Variants in TMEM132C observed in about 807,000 individuals in gnomAD.
TMEM132C encodes the protein protein phosphatase 1, regulatory subunit 152.
Under a neutral mutation model 61.4 loss-of-function variants are expected in TMEM132C, and 29 were observed. The observed-to-expected ratio is 0.47, with a 90% CI of 0.35 to 0.64. TMEM132C has a LOEUF of 0.64. Ranked by LOEUF, TMEM132C falls within the 30% of genes least tolerant of loss-of-function variation. The pLI, the probability that TMEM132C is intolerant of heterozygous loss-of-function variation, is 0.00. For synonymous variants in TMEM132C, 656 were observed against 633.1 expected (o/e 1.04, Z -0.54); for missense variants, 1,408 against 1,476.9 (o/e 0.95, Z 0.76).
At chr12:128,614,595 T>C (rs1876737734) in intron 3 of TMEM132C, among the ~76,000 whole-genome samples, 2 of 152,214 alleles carry the variant, frequency 1.3e-5, no homozygotes, top group African/African-American at 4.8e-5. Context: ...TAGCCAGATA[T>C]GTGGTTGTGG....
In TMEM132C at chr12:128,707,721, C is replaced by G. The variant is rs1028932863; in HGVS notation, c.*1426C>G. ...CGCAGGGGGGCGCTCACAAAGATGC[C>G]AGGGGTGTTTATTGTGTTTATTTTT... On this transcript the variant is annotated 3_prime_UTR_variant, in exon 9 of 9. Coordinates refer to ENST00000435159, the MANE Select transcript of TMEM132C (RefSeq NM_001136103.3). 2.0e-5 allele frequency: 3 copies of G among 152,146 alleles called. No individual in the cohort carries two copies. The highest frequency in any genetic ancestry group is 2.9e-5 in the Non-Finnish European group (2 of 68,026). 9.4% of individuals were successfully genotyped at this position (152,146 alleles called of 1,614,324 possible).
chr12:128,339,854 G>T (rs1477116936), intron 1 of TMEM132C, among the ~76,000 whole-genome samples: 1 of 152,082 alleles, frequency 6.6e-6, no homozygotes, highest in Non-Finnish European at 1.5e-5. Context: ...TCAACCAGGG[G>T]CTCACACACC....
intron 3 of TMEM132C, among the ~76,000 whole-genome samples, chr12:128,610,760 A>AT (rs1343938297): frequency 6.6e-6 from 1 of 152,156 alleles, no homozygotes; most frequent in Non-Finnish European, 1.5e-5. Context: ...AAGATTTCTT[A>AT]TTTTTTTAGT....
chr12:128,466,189 G>C (rs1287544718), intron 2 of TMEM132C, among the ~76,000 whole-genome samples: 1 of 152,086 alleles, frequency 6.6e-6, no homozygotes, highest in Non-Finnish European at 1.5e-5. Flanking sequence ...TGTGTGAAGG[G>C]GAGAGCACAG....
At chr12:128,277,744 C>T (rs368603447) in intron 1 of TMEM132C, among the ~76,000 whole-genome samples, 18 of 152,320 alleles carry the variant, frequency 1.2e-4, no homozygotes, top group African/African-American at 3.6e-4. Flanking sequence ...CCACTTCTCA[C>T]GGGTGTGCTC....
chr12:128,704,057 A>G (rs556585500), intron 8 of TMEM132C, among the ~76,000 whole-genome samples: 5 of 152,334 alleles, frequency 3.3e-5, no homozygotes, highest in African/African-American at 7.2e-5. Context: ...GCGAGACAGC[A>G]GGAAACCTTG....
Position 128,612,015 on chromosome 12 carries a change from G to A in TMEM132C, c.1122-4137G>A, listed in dbSNP as rs145644697. 4.3e-3 allele frequency among the ~76,000 whole-genome samples: 661 copies of A among 152,328 alleles called. 5 individuals are homozygous for A. The highest frequency in any genetic ancestry group is 0.015 in the African/African-American group (627 of 41,568). On this transcript the variant is annotated intron_variant, in intron 3 of 8. Transcript: ENST00000435159. ...TTTTTTAGAGACGAAGAAGACAAAG[G>A]CTGTGTGGGGGTGGAGAAGGGGTAG... is the stretch of plus-strand genomic sequence containing the variant.
chr12:128,334,365 C>G (rs1353022904), intron 1 of TMEM132C, among the ~76,000 whole-genome samples: 1 of 152,178 alleles, frequency 6.6e-6, no homozygotes, highest in Admixed American at 6.5e-5. Flanking sequence ...GGAGCCAGCT[C>G]CGGGGCCCGT....
chr12:128,472,734 T>G (rs1593065689), intron 2 of TMEM132C, among the ~76,000 whole-genome samples: 1 of 152,218 alleles, frequency 6.6e-6, no homozygotes, highest in East Asian at 1.9e-4. Flanking sequence ...GGGGGTCAGC[T>G]TCGGCCTGGA....
intron 1 of TMEM132C, among the ~76,000 whole-genome samples, chr12:128,377,097 C>T (rs925096502): frequency 6.6e-6 from 1 of 151,992 alleles, no homozygotes; most frequent in Non-Finnish European, 1.5e-5. Context: ...CTTTGTCGCC[C>T]AGGCTGGAGT....
intron 1 of TMEM132C, among the ~76,000 whole-genome samples, chr12:128,293,615 A>G (rs2135911129): frequency 6.6e-6 from 1 of 152,104 alleles, no homozygotes; most frequent in Middle Eastern, 3.4e-3. Flanking sequence ...TATTTAGGGG[A>G]AAAACAGCCT....
intron 1 of TMEM132C, among the ~76,000 whole-genome samples, chr12:128,337,667 G>A (rs943647484): frequency 2.0e-5 from 3 of 152,268 alleles, no homozygotes; most frequent in East Asian, 1.9e-4. Context: ...TGGGAGGTTC[G>A]TCCCCTTGCT....
intron 3 of TMEM132C, among the ~76,000 whole-genome samples, chr12:128,575,172 C>T (rs758808129): frequency 2.0e-5 from 3 of 152,178 alleles, no homozygotes. Flanking sequence ...ACAGCAAAGT[C>T]ATCATACCTT....
chr12:128,377,571 G>A (rs1038104025), intron 1 of TMEM132C, among the ~76,000 whole-genome samples: 3 of 152,208 alleles, frequency 2.0e-5, no homozygotes, highest in African/African-American at 4.8e-5. Flanking sequence ...ACAACAGGAA[G>A]TATCAGAGTA....
At chr12:128,579,175 G>A (rs1875238387) in intron 3 of TMEM132C, among the ~76,000 whole-genome samples, 1 of 152,176 alleles carries the variant, frequency 6.6e-6, no homozygotes. Context: ...AGCCTCCTTA[G>A]CCCATGCACG....
intron 2 of TMEM132C, among the ~76,000 whole-genome samples, chr12:128,465,149 G>A (rs73440670): frequency 0.21 from 31,557 of 151,808 alleles, 3,771 homozygotes; most frequent in African/African-American, 0.32. Context: ...AACCCCTGGT[G>A]AGGAGACACC....
At chr12:128,633,657 C>A (rs1954079543) in intron 4 of TMEM132C, among the ~76,000 whole-genome samples, 1 of 152,118 alleles carries the variant, frequency 6.6e-6, no homozygotes, top group Non-Finnish European at 1.5e-5. Context: ...GTTAAGAAGG[C>A]TGGAAGAATT....
chr12:128,675,773 A>T (rs1954577023), intron 5 of TMEM132C, among the ~76,000 whole-genome samples: 1 of 152,114 alleles, frequency 6.6e-6, no homozygotes, highest in African/African-American at 2.4e-5. Flanking sequence ...TTAATAGATT[A>T]TTGGTAGGTA....
intron 3 of TMEM132C, among the ~76,000 whole-genome samples, chr12:128,607,559 C>T (rs11059790): frequency 0.12 from 17,908 of 152,174 alleles, 1,209 homozygotes; most frequent in Non-Finnish European, 0.15. Context: ...CTGGAGCAGT[C>T]GTAACGAAGG....
Sources: allele counts gnomAD v4.1 joint callset (sites outside exome capture counted in the v4.1 genomes callset), GRCh38; gene constraint gnomAD v4.1.1; transcripts MANE v1.5; gene names NCBI Gene and HGNC (gene_info 2026-07-23, HGNC 2026-07-21).